The following KIAA1328 variants were observed in gnomAD, a reference collection of about 807,000 sequenced individuals.
KIAA1328 encodes protein hinderin.
KIAA1328 carries 52 observed loss-of-function variants against 68.1 expected under a neutral mutation model. The ratio of observed to expected loss-of-function variants is 0.76; its 90% CI spans 0.61 to 0.96. The LOEUF (loss-of-function observed/expected upper bound fraction) is 0.96. Ranked by LOEUF, KIAA1328 falls within the 40% of genes least tolerant of loss-of-function variation. The probability of loss-of-function intolerance (pLI) is 0.00; values close to 1 mark genes in which losing one functional copy is unlikely to be tolerated. For missense variants in KIAA1328, 641 were observed against 677.6 expected, an observed-to-expected ratio of 0.95 and a Z score of 0.60; for synonymous variants, 232 against 239.4, an observed-to-expected ratio of 0.97 and a Z score of 0.28.
intron 6 of KIAA1328, among the ~76,000 whole-genome samples, chr18:36,991,253 G>C (rs2053166112): frequency 6.6e-6 from 1 of 152,100 alleles, no homozygotes; most frequent in Admixed American, 6.5e-5. Flanking sequence ...TCTTATGGCT[G>C]CATAGTATTC....
intron 5 of KIAA1328, among the ~76,000 whole-genome samples, chr18:36,945,610 T>C (rs1251139766): frequency 6.6e-6 from 1 of 152,222 alleles, no homozygotes; most frequent in African/African-American, 2.4e-5. Context: ...CTTAGAATTA[T>C]TAATACTGGG....
chr18:36,856,237 T>G (rs1412207349), intron 4 of KIAA1328, among the ~76,000 whole-genome samples: 1 of 152,142 alleles, frequency 6.6e-6, no homozygotes, highest in Non-Finnish European at 1.5e-5. Context: ...TTTGGGAAGT[T>G]TTTTGGACAT....
chr18:36,829,151 G>A lies in KIAA1328; in HGVS notation c.13G>A (p.Ala5Thr). MADV[A>T]GPSRPSAAAF... is the part of the protein sequence containing the mutation. Reference sequence around the variant, plus strand: ...CGGTTGTTTCAAGATGGCGGACGTGGCGGGCCCCTCCCGCCCCAGTGCCGC... The same window carrying A: ...CGGTTGTTTCAAGATGGCGGACGTGACGGGCCCCTCCCGCCCCAGTGCCGC... The change falls in exon 1 of 10, where the codon GCG (alanine) becomes ACG (threonine). Residue 5 changes from alanine to threonine, a missense_variant. By Grantham distance (58) the Ala-to-Thr change is moderately conservative. Coordinates refer to ENST00000280020, the MANE Select transcript of KIAA1328 (RefSeq NM_020776.3). 2.0e-6 allele frequency: 3 copies of A among 1,534,476 alleles called. No individual in the cohort carries two copies. The highest frequency in any genetic ancestry group is 1.8e-6 in the Non-Finnish European group (2 of 1,142,492).
intron 6 of KIAA1328, among the ~76,000 whole-genome samples, chr18:37,041,614 C>A (rs1056457590): frequency 6.8e-6 from 1 of 148,002 alleles, no homozygotes; most frequent in African/African-American, 2.5e-5. Flanking sequence ...TACTCTTGTA[C>A]TCCTTCCTTA....
intron 7 of KIAA1328, among the ~76,000 whole-genome samples, chr18:37,106,747 A>G (rs190193056): frequency 1.3e-5 from 2 of 152,200 alleles, no homozygotes; most frequent in African/African-American, 4.8e-5. Flanking sequence ...TTCATGGTAT[A>G]TAAATTATAT....
intron 6 of KIAA1328, among the ~76,000 whole-genome samples, chr18:37,049,972 A>T (rs981947572): frequency 2.6e-5 from 4 of 152,196 alleles, no homozygotes; most frequent in Admixed American, 2.0e-4. Context: ...GTTTGTGCAG[A>T]TAGTGTTAAT....
At chr18:37,158,866 C>A (rs1003059126) in intron 7 of KIAA1328, among the ~76,000 whole-genome samples, 1 of 151,978 alleles carries the variant, frequency 6.6e-6, no homozygotes, top group Non-Finnish European at 1.5e-5. Flanking sequence ...ACAGAACAAG[C>A]AGAGATGTAG....
intron 5 of KIAA1328, among the ~76,000 whole-genome samples, chr18:36,892,044 G>A (rs181179583): frequency 1.1e-4 from 16 of 152,240 alleles, no homozygotes; most frequent in Non-Finnish European, 2.2e-4. Flanking sequence ...ACAGTAATAC[G>A]CTGGAGCTAT....
At chr18:37,113,696 TA>T (rs1429956491) in intron 7 of KIAA1328, among the ~76,000 whole-genome samples, 7 of 152,172 alleles carry the variant, frequency 4.6e-5, no homozygotes, top group African/African-American at 1.7e-4. Flanking sequence ...ATGCTCCAAT[TA>T]AAAGACAAAG....
Position 37,067,166 on chromosome 18 carries a change from A to G in KIAA1328, c.853A>G (p.Met285Val), listed in dbSNP as rs2056368759. The G allele has an allele frequency of 1.2e-6, 2 of 1,613,892 alleles. No individual in the cohort carries two copies. Among genetic ancestry groups the G allele is most frequent in the African/African-American group, 2.7e-5 (2 of 74,934 alleles). The change falls in exon 7 of 10, where the codon ATG becomes GTG. Residue 285 changes from methionine (M) to valine (V), a missense_variant. Coordinates refer to ENST00000280020, the MANE Select transcript of KIAA1328 (RefSeq NM_020776.3). Reference sequence around the variant, plus strand: ...AAAACCTGCAGTCCCAACAGAGAAAATGCCACAAGAAGAATTGCACATGAA... The same window carrying G: ...AAAACCTGCAGTCCCAACAGAGAAAGTGCCACAAGAAGAATTGCACATGAA... ...GRKPAVPTEK[M>V]PQEELHMKEC... is the part of the protein sequence containing the mutation.
At chr18:37,171,088 T>C (rs747548324) in intron 8 of KIAA1328, among the ~76,000 whole-genome samples, 44 of 152,232 alleles carry the variant, frequency 2.9e-4, no homozygotes, top group Non-Finnish European at 5.6e-4. Context: ...TATCAAACTC[T>C]ACAGTTAAAA....
At chr18:36,992,039 A>G (rs759774944) in intron 6 of KIAA1328, among the ~76,000 whole-genome samples, 1 of 152,196 alleles carries the variant, frequency 6.6e-6, no homozygotes, top group East Asian at 1.9e-4. Flanking sequence ...ACATCTTTTC[A>G]TAGGTATGTT....
chr18:36,949,309 T>C lies in KIAA1328; in HGVS notation c.449-9999T>C, dbSNP rs568401311. ...CATGGTTTTTAATAGAAATGTTTTCTCAACCTTTAATGTCTACAGTGAATG... is the reference window on the plus strand; with the variant it reads ...CATGGTTTTTAATAGAAATGTTTTCCCAACCTTTAATGTCTACAGTGAATG... On this transcript the variant is annotated intron_variant, in intron 5 of 9. Coordinates refer to ENST00000280020, the MANE Select transcript of KIAA1328 (RefSeq NM_020776.3). Among the ~76,000 whole-genome samples the C allele has an allele frequency of 2.0e-5, 3 of 152,336 alleles. No homozygotes were observed. In the South Asian group the frequency reaches 6.2e-4, roughly 32 times the overall value.
chr18:36,850,726 G>A (rs567590044), intron 4 of KIAA1328, among the ~76,000 whole-genome samples: 3 of 152,186 alleles, frequency 2.0e-5, no homozygotes, highest in East Asian at 1.9e-4. Flanking sequence ...CATGACTAAC[G>A]CCTATACAGT....
intron 7 of KIAA1328, among the ~76,000 whole-genome samples, chr18:37,092,536 TGAG>T (rs1404772775): frequency 6.6e-6 from 1 of 152,012 alleles, no homozygotes; most frequent in African/African-American, 2.4e-5. Flanking sequence ...TGTGGGCACC[TGAG>T]GATAGGGCTC....
At chr18:36,953,880 T>C (rs1489311525) in intron 5 of KIAA1328, among the ~76,000 whole-genome samples, 3 of 152,162 alleles carry the variant, frequency 2.0e-5, no homozygotes, top group African/African-American at 7.2e-5. Flanking sequence ...TTTGGTCTCT[T>C]AATCTAAAAT....
At chr18:37,181,902 A>AT in intron 9 of KIAA1328, among the ~76,000 whole-genome samples, 1 of 152,226 alleles carries the variant, frequency 6.6e-6, no homozygotes, top group Non-Finnish European at 1.5e-5. Flanking sequence ...AAGGGAACAC[A>AT]TTTATAGGGG....
intron 6 of KIAA1328, among the ~76,000 whole-genome samples, chr18:36,963,553 G>C (rs921589694): frequency 2.0e-5 from 3 of 151,966 alleles, no homozygotes; most frequent in Non-Finnish European, 4.4e-5. Flanking sequence ...AACTTTCTCA[G>C]GTGTTACTGA....
chr18:37,102,030 A>G (rs1234180735), intron 7 of KIAA1328, among the ~76,000 whole-genome samples: 1 of 152,228 alleles, frequency 6.6e-6, no homozygotes, highest in African/African-American at 2.4e-5. Flanking sequence ...ACTGATACCA[A>G]AACCAGATGA....
Sources: gnomAD v4.1 joint callset for allele counts (sites outside exome capture counted in the v4.1 genomes callset) on GRCh38, gnomAD v4.1.1 for gene constraint, MANE v1.5 for transcripts, NCBI Gene and HGNC (gene_info 2026-07-23, HGNC 2026-07-21) for gene names.